WASF1: variants seen among roughly 807,000 people sequenced by gnomAD.
The protein encoded by WASF1 is WASP family member 1, also known as actin-binding protein WASF1.
Under a neutral mutation model 50.5 loss-of-function variants are expected in WASF1, and 7 were observed. That is an observed-to-expected ratio of 0.14 (90% CI 0.08 to 0.26). The LOEUF (loss-of-function observed/expected upper bound fraction) is 0.26. WASF1 is among the 10% of genes least tolerant of loss of function. The pLI is 1.00. For synonymous variants in WASF1, 205 were observed against 244.0 expected, an observed-to-expected ratio of 0.84 and a Z score of 1.49; for missense variants, 470 against 694.7, an observed-to-expected ratio of 0.68 and a Z score of 3.64.
At chr6:110,122,337 T>A (rs1243990596) in intron 4 of WASF1, among the ~76,000 whole-genome samples, 1 of 152,052 alleles carries the variant, frequency 6.6e-6, no homozygotes, top group Non-Finnish European at 1.5e-5. Flanking sequence ...AGACTACTTT[T>A]GATTTATTTT....
rs186081645 is a variant in WASF1 at position 110,109,528 on chromosome 6, G to A, written c.269-847C>T. Among the ~76,000 whole-genome samples the A allele has an allele frequency of 3.2e-4, 49 of 151,352 alleles. No individual in the cohort carries two copies. The East Asian group carries it at 8.3e-3, about 26-fold the overall frequency. Reference sequence around the variant, plus strand: ...GACAAATGCCCTATAACATAGCAAGGTCAGTATAACAATCCTAACAATTCT... The same window carrying A: ...GACAAATGCCCTATAACATAGCAAGATCAGTATAACAATCCTAACAATTCT... On this transcript the variant is annotated intron_variant, in intron 5 of 10. Transcript: ENST00000392589.
At chr6:110,100,790 A>G in intron 10 of WASF1, 111 bp from the exon 11 acceptor site, 2 of 1,195,294 alleles carry the variant, frequency 1.7e-6, no homozygotes, top group Non-Finnish European at 2.2e-6. Flanking sequence ...ATAGGAAAAT[A>G]AAAAGATCAG....
chr6:110,119,441 A>G (rs1209311420), intron 4 of WASF1, among the ~76,000 whole-genome samples: 1 of 152,234 alleles, frequency 6.6e-6, no homozygotes, highest in Non-Finnish European at 1.5e-5. Flanking sequence ...AAAATCTAGC[A>G]GAAATGGATA....
intron 3 of WASF1, among the ~76,000 whole-genome samples, chr6:110,142,952 TAAAA>T (rs5879060): frequency 8.4e-6 from 1 of 119,182 alleles, no homozygotes; most frequent in Non-Finnish European, 1.7e-5. Flanking sequence ...CCCAATGATG[TAAAA>T]AAAAAAAAAA....
chr6:110,137,059 C>G (rs538473895), intron 3 of WASF1, among the ~76,000 whole-genome samples: 3 of 152,242 alleles, frequency 2.0e-5, no homozygotes, highest in Admixed American at 2.0e-4. Context: ...ATCCTTGGTG[C>G]CTGGTACATG....
intron 3 of WASF1, among the ~76,000 whole-genome samples, chr6:110,144,140 T>C (rs937982962): frequency 6.6e-6 from 1 of 152,224 alleles, no homozygotes; most frequent in Non-Finnish European, 1.5e-5. Flanking sequence ...TCCTGACTTT[T>C]TAATGATTGC....
intron 2 of WASF1, among the ~76,000 whole-genome samples, chr6:110,167,580 C>G (rs537653486): frequency 3.3e-5 from 5 of 151,928 alleles, no homozygotes; most frequent in Non-Finnish European, 7.4e-5. Context: ...AGTCCTGGTA[C>G]CTTTTCTCTT....
intron 1 of WASF1, among the ~76,000 whole-genome samples, chr6:110,179,218 G>T (rs1021288193): frequency 3.3e-5 from 5 of 152,068 alleles, no homozygotes; most frequent in African/African-American, 9.7e-5. Flanking sequence ...AGGCGCGCCC[G>T]CCGCCGTCTC....
At chr6:110,163,608 C>T (rs1386936450) in intron 2 of WASF1, among the ~76,000 whole-genome samples, 3 of 151,524 alleles carry the variant, frequency 2.0e-5, no homozygotes, top group Non-Finnish European at 4.4e-5. Context: ...GACATATATT[C>T]AGTCCATAAC....
chr6:110,106,843 C>T (rs76869325), intron 7 of WASF1, among the ~76,000 whole-genome samples: 2,635 of 152,228 alleles, frequency 0.017, 74 homozygotes, highest in African/African-American at 0.059. Flanking sequence ...GTTATCTAAA[C>T]CCTTTATGCA....
At chr6:110,138,260 G>A (rs1471290169) in intron 3 of WASF1, among the ~76,000 whole-genome samples, 1 of 152,228 alleles carries the variant, frequency 6.6e-6, no homozygotes, top group African/African-American at 2.4e-5. Flanking sequence ...AGGGAACACT[G>A]TGGTGCCCAG....
At chr6:110,144,236 T>A (rs1038050512) in intron 3 of WASF1, among the ~76,000 whole-genome samples, 3 of 152,272 alleles carry the variant, frequency 2.0e-5, no homozygotes, top group Admixed American at 1.3e-4. Flanking sequence ...TTTTTTCATA[T>A]ATTTCTTGAT....
chr6:110,103,287 C>A (rs923960690), intron 9 of WASF1, 91 bp downstream of exon 9: 7 of 1,427,368 alleles, frequency 4.9e-6, no homozygotes, highest in Non-Finnish European at 5.6e-6. Context: ...AACTGTAAGG[C>A]CCGAAAGCCA....
Position 110,102,167 on chromosome 6 carries a change from T to C in WASF1, c.943A>G (p.Arg315Gly). The C allele has an allele frequency of 1.4e-6, 2 of 1,439,952 alleles. No homozygotes were observed. Among genetic ancestry groups the C allele is most frequent in the Non-Finnish European group, 1.8e-6 (2 of 1,094,416 alleles). The allele number at this position is 1,439,952 out of a possible 1,614,324, so 89.2% of individuals were successfully genotyped here. The change falls in exon 10 of 11, where the codon AGA becomes GGA. Residue 315 changes from arginine (R) to glycine (G), a missense_variant. Physicochemically the swap from Arg to Gly is moderately radical, Grantham distance 125 (BLOSUM62 -2). Coordinates refer to ENST00000392589, the MANE Select transcript of WASF1 (RefSeq NM_003931.3). ...ENRPQSPATG[R>G]TPVFVSPTPP... ...GTGGGGCTCACAAACACAGGTGTTC[T>C]GCCTGTAGCTGGTGACTGAGGGCGA...
chr6:110,124,226 C>CTCTCTCTCTCTCTCTCT (rs1195590873), intron 4 of WASF1, among the ~76,000 whole-genome samples: 1 of 60,624 alleles, frequency 1.6e-5, no homozygotes, highest in African/African-American at 1.1e-4. Flanking sequence ...TCCTCTCTCT[C>CTCTCTCTCTCTCTCTCT]CTCTCTCTCC....
At chr6:110,146,539 TA>T (rs1285194888) in intron 3 of WASF1, among the ~76,000 whole-genome samples, 3 of 151,690 alleles carry the variant, frequency 2.0e-5, no homozygotes, top group East Asian at 1.9e-4. Context: ...ATTTTTTATT[TA>T]AAAATATATA....
intron 3 of WASF1, among the ~76,000 whole-genome samples, chr6:110,139,327 G>C (rs974190735): frequency 6.6e-6 from 1 of 152,208 alleles, no homozygotes; most frequent in East Asian, 1.9e-4. Context: ...GTTGTGCCCA[G>C]TAGCACAGGG....
intron 3 of WASF1, among the ~76,000 whole-genome samples, chr6:110,151,893 G>A (rs1775840805): frequency 6.6e-6 from 1 of 152,002 alleles, no homozygotes; most frequent in Admixed American, 6.6e-5. Flanking sequence ...TCTTATTTGG[G>A]TGTCACAACC....
chr6:110,111,428 A>G (rs887069688), intron 5 of WASF1, among the ~76,000 whole-genome samples: 1 of 152,150 alleles, frequency 6.6e-6, no homozygotes, highest in Admixed American at 6.5e-5. Context: ...TTGATAAAGG[A>G]TTTAGATCCA....
Sources: allele counts gnomAD v4.1 joint callset (sites outside exome capture counted in the v4.1 genomes callset), GRCh38; gene constraint gnomAD v4.1.1; transcripts MANE v1.5; gene names NCBI Gene and HGNC (gene_info 2026-07-23, HGNC 2026-07-21).